MRPL46: variants seen among roughly 807,000 people sequenced by gnomAD.
MRPL46 encodes mitochondrial ribosomal protein L46.
A neutral mutation model predicts 31.0 loss-of-function variants in MRPL46; 26 were observed. The observed-to-expected ratio is 0.84, with a 90% CI of 0.61 to 1.16. The LOEUF is 1.16. Among genes scored for constraint, MRPL46 ranks in the 50% most tolerant of loss-of-function variants. The pLI is 0.00. For synonymous variants in MRPL46, 159 were observed against 141.3 expected (o/e 1.13, Z -0.89); for missense variants, 395 against 340.0 (o/e 1.16, Z -1.27).
rs2055553971 is a variant in MRPL46, at chr15:88,467,303, G to A, written c.75C>T (p.Gly25=). 1.9e-6 allele frequency: 3 copies of A among 1,611,798 alleles called. No individual in the cohort carries two copies. In the African/African-American group the frequency reaches 4.0e-5, roughly 22 times the overall value. ...GWRRFERLWA[G]SLSSRSLALA... is the part of the protein sequence containing the mutation. ...GAGCCAGGCTGCGAGAGCTTAGACT[G>A]CCGGCCCAGAGCCTCTCGAACCGCC... Residue 25 remains glycine (G), a synonymous_variant, in exon 1 of 4, where the codon GGC becomes GGT. Transcript: ENST00000312475.
intron 1 of MRPL46, 100 bp from the exon 2 acceptor site, chr15:88,465,873 G>A: frequency 1.7e-6 from 2 of 1,142,984 alleles, no homozygotes; most frequent in African/African-American, 1.6e-5. Context: ...CACTTGGCAA[G>A]CTCAGAAGTT....
Position 88,459,802 on chromosome 15 carries a change from G to A in MRPL46, c.651C>T (p.Phe217=), listed in dbSNP as rs1401135762. Residue 217 remains phenylalanine, a synonymous_variant, in exon 4 of 4, where the codon TTC becomes TTT. Coordinates refer to ENST00000312475, the MANE Select transcript of MRPL46 (RefSeq NM_022163.4). Reference sequence around the variant, plus strand: ...TACTCTCTGTCCGCATTGCCTGGGGGAACTTGAATGTGTAGTGCCCACAGG... The same window carrying A: ...TACTCTCTGTCCGCATTGCCTGGGGAAACTTGAATGTGTAGTGCCCACAGG... ...NAPCGHYTFK[F]PQAMRTESNL... The A allele has an allele frequency of 5.0e-6, 8 of 1,614,096 alleles. No homozygotes were observed. The highest frequency in any genetic ancestry group is 2.2e-5 in the East Asian group (1 of 44,892).
rs774434961 is a variant in MRPL46 at position 88,464,846 on chromosome 15, A to G, written c.446T>C (p.Leu149Pro). 8.7e-6 allele frequency: 14 copies of G among 1,613,992 alleles called. No homozygotes were observed. The East Asian group carries it at 1.3e-4, about 15-fold the overall frequency. ...AAGGTTCCTGTCTAGCTTCCTGTTC[A>G]GGGATGTTCGGTCATTCTTTTCATC... is the stretch of plus-strand genomic sequence containing the variant. ...EADEKNDRTS[L>P]NRKLDRNLVL... The change falls in exon 3 of 4, where the codon CTG (leucine) becomes CCG (proline). Residue 149 changes from leucine to proline, a missense_variant. By Grantham distance (98) the Leu-to-Pro change is moderately conservative. Coordinates refer to ENST00000312475, the MANE Select transcript of MRPL46 (RefSeq NM_022163.4).
At position 88,464,822 on chromosome 15, in the gene MRPL46, A is replaced by G. The variant is rs1462715728; in HGVS notation, c.470T>C (p.Leu157Pro). 3 of 1,614,172 alleles carry G rather than the reference A, an allele frequency of 1.9e-6. No individual in the cohort carries two copies. In the Admixed American group the frequency reaches 5.0e-5, roughly 27 times the overall value. The stretch of plus-strand genomic sequence containing the variant: ...AAACTTCTCTCTGACTAACAGGACA[A>G]GGTTCCTGTCTAGCTTCCTGTTCAG... ...TSLNRKLDRN[L>P]VLLVREKFGD... Residue 157 changes from leucine (L) to proline (P), a missense_variant, in exon 3 of 4, where the codon CTT (leucine) becomes CCT (proline). Coordinates refer to ENST00000312475, the MANE Select transcript of MRPL46 (RefSeq NM_022163.4).
At position 88,467,279 on chromosome 15, in the gene MRPL46, A is replaced by T. The variant is rs1338342067; in HGVS notation, c.99T>A (p.Ala33=). The T allele has an allele frequency of 6.2e-7, 1 of 1,613,566 alleles. No homozygotes were observed. Among genetic ancestry groups the T allele is most frequent in the African/African-American group, 1.3e-5 (1 of 74,928 alleles). Residue 33 remains alanine, a synonymous_variant, in exon 1 of 4, where the codon GCT becomes GCA. Transcript: ENST00000312475. ...CGTTGCTTGAGGGTGCGGCTGCAAGAGCCAGGCTGCGAGAGCTTAGACTGC... is the reference window on the plus strand; with the variant it reads ...CGTTGCTTGAGGGTGCGGCTGCAAGTGCCAGGCTGCGAGAGCTTAGACTGC... ...WAGSLSSRSL[A]LAAAPSSNGS...
rs1324975887 is a variant in MRPL46 at position 88,459,585 on chromosome 15, G to C, written c.*28C>G. On this transcript the variant is annotated 3_prime_UTR_variant, in exon 4 of 4. Coordinates refer to ENST00000312475, the MANE Select transcript of MRPL46 (RefSeq NM_022163.4). ...TGAGGCTCTAATCCCAGACTTGTCT[G>C]AGCACCGTCCACAGGCAGCTCGGCC... is the stretch of plus-strand genomic sequence containing the variant. The C allele has an allele frequency of 2.5e-6, 4 of 1,612,546 alleles. No individual in the cohort carries two copies. Among genetic ancestry groups the C allele is most frequent in the Non-Finnish European group, 3.4e-6 (4 of 1,179,726 alleles).
In MRPL46 at chr15:88,460,347, A is replaced by C. The variant is rs138201138; in HGVS notation, c.590-484T>G. 5.6e-5 allele frequency: 9 copies of C among 161,006 alleles called. No individual in the cohort carries two copies. The East Asian group carries it at 1.4e-3, about 26-fold the overall frequency. The allele number at this position is 161,006 out of a possible 1,614,324, so 10.0% of individuals were successfully genotyped here. On this transcript the variant is annotated intron_variant, in intron 3 of 3. Coordinates refer to ENST00000312475, the MANE Select transcript of MRPL46 (RefSeq NM_022163.4). Reference sequence around the variant, plus strand: ...TGAAGGACGAGGACATTTGGTCTGTAAAACAAAGTTCATCCACCTTTAAAA... The same window carrying C: ...TGAAGGACGAGGACATTTGGTCTGTCAAACAAAGTTCATCCACCTTTAAAA...
chr15:88,465,552 T>G (rs769107687), intron 2 of MRPL46, 35 bp downstream of exon 2: 2 of 1,511,526 alleles, frequency 1.3e-6, no homozygotes, highest in Non-Finnish European at 1.8e-6. Flanking sequence ...ATACCCCTTT[T>G]CCCTTCCTTC....
intron 1 of MRPL46, among the ~76,000 whole-genome samples, chr15:88,466,449 G>C (rs1231374640): frequency 6.6e-6 from 1 of 152,194 alleles, no homozygotes; most frequent in Non-Finnish European, 1.5e-5. Context: ...CTGAGAACCA[G>C]AGCTACTTCT....
At chr15:88,460,077 C>T (rs2055463580) in intron 3 of MRPL46, 2 of 584,468 alleles carry the variant, frequency 3.4e-6, no homozygotes, top group African/African-American at 3.7e-5. Flanking sequence ...ACCAGGCTCA[C>T]TCCCATGTGC....
intron 1 of MRPL46, 69 bp downstream of exon 1, chr15:88,467,081 A>T: frequency 6.5e-7 from 1 of 1,539,190 alleles, no homozygotes; most frequent in Non-Finnish European, 8.9e-7. Flanking sequence ...TTAAGTTCAG[A>T]GAGGTGAAAT....
intron 1 of MRPL46, among the ~76,000 whole-genome samples, chr15:88,466,348 T>A (rs2055533105): frequency 6.6e-6 from 1 of 152,222 alleles, no homozygotes; most frequent in South Asian, 2.1e-4. Context: ...GTGCCTTGTG[T>A]TTTCCTTAAC....
intron 2 of MRPL46, 103 bp from the exon 3 acceptor site, chr15:88,464,979 C>CAA: frequency 7.2e-7 from 1 of 1,388,112 alleles, no homozygotes; most frequent in Non-Finnish European, 9.8e-7. Flanking sequence ...TCCTTGCCCT[C>CAA]AAAGAGCTTA....
At chr15:88,466,969 C>T (rs1342940360) in intron 1 of MRPL46, among the ~76,000 whole-genome samples, 181 bp downstream of exon 1, 1 of 152,156 alleles carries the variant, frequency 6.6e-6, no homozygotes, top group Non-Finnish European at 1.5e-5. Flanking sequence ...TCTAAGGTGA[C>T]AATAAACACG....
chr15:88,459,808 G>T lies in MRPL46; in HGVS notation c.645C>A (p.Phe215Leu). ...LGNAPCGHYTFKFPQAMRTES... is the reference protein window; with the variant it reads ...LGNAPCGHYTLKFPQAMRTES... ...CTGTCCGCATTGCCTGGGGGAACTT[G>T]AATGTGTAGTGCCCACAGGGTGCAT... Residue 215 changes from phenylalanine (F) to leucine (L), a missense_variant, in exon 4 of 4, where the codon TTC becomes TTA. Transcript: ENST00000312475. The T allele has an allele frequency of 6.2e-7, 1 of 1,614,214 alleles. No individual in the cohort carries two copies. The highest frequency in any genetic ancestry group is 8.5e-7 in the Non-Finnish European group (1 of 1,180,028).
intron 1 of MRPL46, 66 bp downstream of exon 1, chr15:88,467,084 G>C: frequency 1.3e-6 from 2 of 1,548,824 alleles, no homozygotes; most frequent in Non-Finnish European, 1.8e-6. Flanking sequence ...AGTTCAGAGA[G>C]GTGAAATTAC....
At chr15:88,460,569 C>A (rs1196629961) in intron 3 of MRPL46, 1 of 152,280 alleles carries the variant, frequency 6.6e-6, no homozygotes, top group Non-Finnish European at 1.5e-5. Context: ...ATCTGAAGAA[C>A]TGATTAGCCA....
chr15:88,463,069 A>G lies in MRPL46; in HGVS notation c.589+1634T>C, dbSNP rs1286645538. 6 of 152,260 alleles carry G rather than the reference A, an allele frequency of 3.9e-5. No homozygotes were observed. The highest frequency in any genetic ancestry group is 7.3e-5 in the Non-Finnish European group (5 of 68,044). The allele number at this position is 152,260 out of a possible 1,614,324, so 9.4% of individuals were successfully genotyped here. ...TAAGAGACGTTGAGCATCTGGACAC[A>G]ATGATCCTCGCAAGAAACTCAGCTG... On this transcript the variant is annotated intron_variant, in intron 3 of 3. Transcript: ENST00000312475. The surrounding 1 kb of genome is among the most constrained non-coding windows in gnomAD (Gnocchi z 5.4).
In MRPL46 at chr15:88,465,574, A is replaced by C; in HGVS notation, c.415+13T>G. The stretch of plus-strand genomic sequence containing the variant: ...TTTTCCCTTCCTTCTGGCTGGCCTA[A>C]AAGGATCACAACCTGTTATGCGAGC... On this transcript the variant is annotated intron_variant, in intron 2 of 3. Coordinates refer to ENST00000312475, the MANE Select transcript of MRPL46 (RefSeq NM_022163.4). The C allele has an allele frequency of 1.3e-6, 2 of 1,571,460 alleles. No homozygotes were observed. The highest frequency in any genetic ancestry group is 1.7e-6 in the Non-Finnish European group (2 of 1,161,720).
Sources: gnomAD v4.1 joint callset for allele counts (sites outside exome capture counted in the v4.1 genomes callset) on GRCh38, gnomAD v4.1.1 for gene constraint, Gnocchi (gnomAD v3.1) non-coding constraint, MANE v1.5 for transcripts, NCBI Gene and HGNC (gene_info 2026-07-23, HGNC 2026-07-21) for gene names.